The following TECPR2 variants were observed in gnomAD, a reference collection of about 807,000 sequenced individuals.
The protein encoded by TECPR2 is tectonin beta-propeller repeat-containing protein 2.
In TECPR2, 65 loss-of-function variants were observed where a neutral mutation model predicts 138.1. The ratio of observed to expected loss-of-function variants is 0.47; its 90% CI spans 0.39 to 0.58. The LOEUF is 0.58. Ranked by LOEUF, TECPR2 falls within the 20% of genes least tolerant of loss-of-function variation. TECPR2 has a pLI of 0.00. For synonymous variants in TECPR2, 746 were observed against 749.8 expected, an observed-to-expected ratio of 0.99 and a Z score of 0.08; for missense variants, 1,553 against 1,824.5, an observed-to-expected ratio of 0.85 and a Z score of 2.71.
chr14:102,395,272 T>G (rs1724250605), intron 2 of TECPR2, among the ~76,000 whole-genome samples: 1 of 152,194 alleles, frequency 6.6e-6, no homozygotes, highest in African/African-American at 2.4e-5. Context: ...AGCAGCTCAC[T>G]TGGTACCCAG....
chr14:102,498,734 G>C lies in TECPR2; in HGVS notation c.*477G>C. 4.4e-6 allele frequency: 2 copies of C among 451,526 alleles called. No homozygotes were observed. The highest frequency in any genetic ancestry group is 8.7e-6 in the Non-Finnish European group (2 of 229,256). The allele number at this position is 451,526 out of a possible 1,614,324, so 28.0% of individuals were successfully genotyped here. On this transcript the variant is annotated 3_prime_UTR_variant, in exon 20 of 20. Coordinates refer to ENST00000359520, the MANE Select transcript of TECPR2 (RefSeq NM_014844.5). ...CGGTGATGGCTTTGTCCCATCATAGGGGGGTGTCCCCCCAGAGACAAAGCT... is the reference window on the plus strand; with the variant it reads ...CGGTGATGGCTTTGTCCCATCATAGCGGGGTGTCCCCCCAGAGACAAAGCT...
At chr14:102,476,375 AAAAAAACAACAAAAC>A (rs1467093002) in intron 17 of TECPR2, among the ~76,000 whole-genome samples, 4 of 142,594 alleles carry the variant, frequency 2.8e-5, no homozygotes, top group African/African-American at 1.0e-4. Flanking sequence ...CTAAAAAAAA[AAAAAAACAACAAAAC>A]AAAAAACAAC....
chr14:102,390,038 A>C (rs1267236539), intron 2 of TECPR2, among the ~76,000 whole-genome samples: 1 of 152,226 alleles, frequency 6.6e-6, no homozygotes, highest in African/African-American at 2.4e-5. Flanking sequence ...ATATTTCAAA[A>C]TATTTCAGAT....
At chr14:102,386,272 G>A (rs1043346706) in intron 2 of TECPR2, among the ~76,000 whole-genome samples, 2 of 152,076 alleles carry the variant, frequency 1.3e-5, no homozygotes, top group African/African-American at 4.8e-5. Context: ...GAGTTTGAGA[G>A]CAGCCTGAGC....
chr14:102,463,402 G>A (rs1890460954), intron 16 of TECPR2, among the ~76,000 whole-genome samples: 1 of 133,326 alleles, frequency 7.5e-6, no homozygotes. Context: ...GGGCGACAGA[G>A]CGAGACTCCG....
rs1889659095 is a variant in TECPR2 at position 102,435,943 on chromosome 14, A to G, written c.2394+732A>G. Among the ~76,000 whole-genome samples, 2 of 152,214 alleles carry G rather than the reference A, an allele frequency of 1.3e-5. 1 individual carries two copies. Among genetic ancestry groups the G allele is most frequent in the Admixed American group, 1.3e-4 (2 of 15,280 alleles). ...CTCCTACTAACTGTCGATGTGAGGTATGAATTATGGCTGCGCACTTACAGC... is the reference window on the plus strand; with the variant it reads ...CTCCTACTAACTGTCGATGTGAGGTGTGAATTATGGCTGCGCACTTACAGC... On this transcript the variant is annotated intron_variant, in intron 9 of 19. Coordinates refer to ENST00000359520, the MANE Select transcript of TECPR2 (RefSeq NM_014844.5).
At chr14:102,450,493 T>C (rs1176907554) in intron 14 of TECPR2, 67 bp from the exon 15 acceptor site, 11 of 1,515,204 alleles carry the variant, frequency 7.3e-6, no homozygotes, top group Non-Finnish European at 1.0e-5. Context: ...CGTCCAGAAC[T>C]AAGATCTGAA....
intron 2 of TECPR2, among the ~76,000 whole-genome samples, chr14:102,395,145 C>G (rs1888282251): frequency 6.6e-6 from 1 of 152,122 alleles, no homozygotes; most frequent in African/African-American, 2.4e-5. Flanking sequence ...CTTTCAAGTA[C>G]CAGATGAAAG....
At chr14:102,369,216 G>A (rs1326394561) in intron 1 of TECPR2, among the ~76,000 whole-genome samples, 1 of 152,076 alleles carries the variant, frequency 6.6e-6, no homozygotes, top group Admixed American at 6.6e-5. Flanking sequence ...GCACTTTTGA[G>A]GCAAATCTCT....
rs377705487 is a variant in TECPR2, at chr14:102,498,271, G to A, written c.*14G>A. The A allele has an allele frequency of 2.6e-5, 41 of 1,594,900 alleles. No homozygotes were observed. The highest frequency in any genetic ancestry group is 3.6e-4 in the Middle Eastern group (2 of 5,616). ...GAGGTCATCTGAAGGAGCCCTGGCC[G>A]AGTCACGCGGAGGGGCCCGGCGTCT... On this transcript the variant is annotated 3_prime_UTR_variant, in exon 20 of 20. Transcript: ENST00000359520.
At chr14:102,412,041 C>T (rs1567329772) in intron 4 of TECPR2, among the ~76,000 whole-genome samples, 1 of 151,868 alleles carries the variant, frequency 6.6e-6, no homozygotes, top group South Asian at 2.1e-4. Flanking sequence ...CTACTTTACC[C>T]ATGTTGGATT....
intron 11 of TECPR2, among the ~76,000 whole-genome samples, chr14:102,441,370 A>G (rs966590953): frequency 1.4e-5 from 2 of 147,812 alleles, no homozygotes; most frequent in African/African-American, 2.5e-5. Flanking sequence ...ACACCAGGCC[A>G]TAATTTGCTC....
At chr14:102,468,965 T>C (rs1333573342) in intron 17 of TECPR2, among the ~76,000 whole-genome samples, 3 of 152,234 alleles carry the variant, frequency 2.0e-5, no homozygotes, top group African/African-American at 7.2e-5. Context: ...CAGTGATCTG[T>C]GTATCTATCC....
Position 102,434,689 on chromosome 14 carries a change from G to T in TECPR2, c.1872G>T (p.Ala624=), listed in dbSNP as rs145129878. The change falls in exon 9 of 20, where the codon GCG becomes GCT. Residue 624 remains alanine, a synonymous_variant. Coordinates refer to ENST00000359520, the MANE Select transcript of TECPR2 (RefSeq NM_014844.5). ...AAGAACAGGACAGCTCTCCTGGGGCGCATGATGGGGAAGACATCCAACCCA... is the reference window on the plus strand; with the variant it reads ...AAGAACAGGACAGCTCTCCTGGGGCTCATGATGGGGAAGACATCCAACCCA... The part of the protein sequence containing the change: ...PFQEQDSSPG[A]HDGEDIQPIG... The T allele has an allele frequency of 6.2e-6, 10 of 1,612,982 alleles. No individual in the cohort carries two copies. In the African/African-American group the frequency reaches 1.2e-4, roughly 19 times the overall value.
intron 2 of TECPR2, among the ~76,000 whole-genome samples, chr14:102,406,206 A>T (rs182291082): frequency 2.5e-3 from 384 of 152,310 alleles, no homozygotes; most frequent in Non-Finnish European, 4.6e-3. Flanking sequence ...GTATACTTTA[A>T]AAAGGGATAC....
intron 17 of TECPR2, among the ~76,000 whole-genome samples, chr14:102,482,160 T>G (rs2139787520): frequency 6.6e-6 from 1 of 152,244 alleles, no homozygotes; most frequent in East Asian, 1.9e-4. Flanking sequence ...TCCAAGTGAT[T>G]CTTCTGCCTC....
At chr14:102,441,931 T>C (rs959539958) in intron 11 of TECPR2, among the ~76,000 whole-genome samples, 1 of 152,224 alleles carries the variant, frequency 6.6e-6, no homozygotes, top group African/African-American at 2.4e-5. Flanking sequence ...GTTGGATTTA[T>C]GTAAAGATCA....
chr14:102,369,933 C>T (rs141955497), intron 1 of TECPR2, among the ~76,000 whole-genome samples: 2,893 of 151,892 alleles, frequency 0.019, 97 homozygotes, highest in African/African-American at 0.066. Flanking sequence ...CCAGCCTGGG[C>T]GACAGAGTGA....
chr14:102,418,762 G>A (rs1385459736), intron 5 of TECPR2, among the ~76,000 whole-genome samples: 1 of 152,186 alleles, frequency 6.6e-6, no homozygotes, highest in African/African-American at 2.4e-5. Context: ...GGGTGATCCG[G>A]GTAGGAGAAG....
Sources: allele counts gnomAD v4.1 joint callset (sites outside exome capture counted in the v4.1 genomes callset), GRCh38; gene constraint gnomAD v4.1.1; transcripts MANE v1.5; gene names NCBI Gene and HGNC (gene_info 2026-07-23, HGNC 2026-07-21).